PDE1C: variants seen among roughly 807,000 people sequenced by gnomAD.
PDE1C encodes the protein dual specificity calcium/calmodulin-dependent 3',5'-cyclic nucleotide phosphodiesterase 1C.
Under a neutral mutation model 93.1 loss-of-function variants are expected in PDE1C, and 62 were observed. The observed-to-expected ratio is 0.67, with a 90% CI of 0.54 to 0.82. The LOEUF (loss-of-function observed/expected upper bound fraction) is 0.82. PDE1C is among the 40% of genes least tolerant of loss of function. The pLI is 0.00. For missense variants in PDE1C, 742 were observed against 884.6 expected, an observed-to-expected ratio of 0.84 and a Z score of 2.04; for synonymous variants, 325 against 310.1, an observed-to-expected ratio of 1.05 and a Z score of -0.50.
chr7:32,112,188 T>A (rs1798678895), intron 3 of PDE1C, among the ~76,000 whole-genome samples: 1 of 152,202 alleles, frequency 6.6e-6, no homozygotes, highest in Non-Finnish European at 1.5e-5. Flanking sequence ...CTTAGATTGC[T>A]GGAGAGCCCT....
chr7:31,981,799 T>C (rs1445965638), intron 2 of PDE1C, among the ~76,000 whole-genome samples: 1 of 152,188 alleles, frequency 6.6e-6, no homozygotes, highest in African/African-American at 2.4e-5. Flanking sequence ...GCCTATATCT[T>C]TGAATATTAT....
At chr7:31,802,735 T>C (rs1786225265) in intron 16 of PDE1C, among the ~76,000 whole-genome samples, 1 of 151,750 alleles carries the variant, frequency 6.6e-6, no homozygotes, top group Admixed American at 6.6e-5. Flanking sequence ...AAAATTTAGC[T>C]CCACTGTCTT....
chr7:31,984,881 G>A (rs1783157469), intron 2 of PDE1C, among the ~76,000 whole-genome samples: 1 of 152,090 alleles, frequency 6.6e-6, no homozygotes, highest in Admixed American at 6.5e-5. Context: ...CTAACAAATT[G>A]GAATCTGAAA....
chr7:32,102,994 G>T (rs1798111934), intron 3 of PDE1C, among the ~76,000 whole-genome samples: 1 of 152,124 alleles, frequency 6.6e-6, no homozygotes, highest in African/African-American at 2.4e-5. Context: ...AGAGAGAGGG[G>T]CTCCTGCTTT....
At chr7:31,635,203 A>G in the PDE1C span, among the ~76,000 whole-genome samples, 3 of 152,168 alleles carry the variant, frequency 2.0e-5, no homozygotes, top group African/African-American at 4.8e-5. Flanking sequence ...TTTAATTTCT[A>G]TGACTCTAAG....
chr7:31,998,010 T>TTTTATTTTTA lies in PDE1C; in HGVS notation c.128+53543_128+53544insTAAAAATAAA, dbSNP rs1554456825. ...TTATTTTTATTTTATTTTATTTTAT[T>TTTTATTTTTA]TTTATTTATTTATTTATTTATTTTT... is the stretch of plus-strand genomic sequence containing the variant. On this transcript the variant is annotated intron_variant, in intron 2 of 17. Coordinates refer to ENST00000396191, the MANE Select transcript of PDE1C (RefSeq NM_001191057.4). Among the ~76,000 whole-genome samples the TTTTATTTTTA allele has an allele frequency of 6.7e-5, 10 of 148,662 alleles. No homozygotes were observed. In the Admixed American group the frequency reaches 6.8e-4, roughly 10 times the overall value.
intron 3 of PDE1C, among the ~76,000 whole-genome samples, chr7:32,148,518 T>A (rs2128788089): frequency 6.6e-6 from 1 of 152,298 alleles, no homozygotes; most frequent in Admixed American, 6.5e-5. Flanking sequence ...ACTCAAGTTG[T>A]TCCAATAGTA....
At chr7:32,186,811 C>G (rs1803917407) in intron 2 of PDE1C, among the ~76,000 whole-genome samples, 1 of 152,060 alleles carries the variant, frequency 6.6e-6, no homozygotes, top group Admixed American at 6.5e-5. Flanking sequence ...TTCATGGGCA[C>G]TAATTTAAAG....
intron 3 of PDE1C, among the ~76,000 whole-genome samples, chr7:32,124,244 G>C (rs1367878306): frequency 6.6e-6 from 1 of 152,178 alleles, no homozygotes; most frequent in Non-Finnish European, 1.5e-5. Flanking sequence ...CTCATGGGTA[G>C]GAAGAATCAA....
chr7:32,280,786 G>A (rs542225943), intron 1 of PDE1C, among the ~76,000 whole-genome samples: 15 of 152,238 alleles, frequency 9.9e-5, no homozygotes, highest in African/African-American at 2.9e-4. Context: ...CCAGGAACTC[G>A]AGACCAGCCT....
chr7:32,329,387 C>T (rs185042027), intron 1 of PDE1C, among the ~76,000 whole-genome samples: 7 of 152,192 alleles, frequency 4.6e-5, no homozygotes, highest in South Asian at 2.1e-4. Context: ...ATTATGGAGG[C>T]GATAGACCCT....
At chr7:32,050,948 T>C (rs1431189990) in intron 2 of PDE1C, among the ~76,000 whole-genome samples, 1 of 152,208 alleles carries the variant, frequency 6.6e-6, no homozygotes, top group African/African-American at 2.4e-5. Context: ...AATAGCCACA[T>C]AGGTTAGGGC....
At chr7:31,918,687 C>A (rs1417155605) in intron 2 of PDE1C, among the ~76,000 whole-genome samples, 1 of 152,194 alleles carries the variant, frequency 6.6e-6, no homozygotes, top group Non-Finnish European at 1.5e-5. Flanking sequence ...TTCCAGCTTT[C>A]AATTTTTTGT....
At chr7:32,145,990 T>C (rs1161660709) in intron 3 of PDE1C, among the ~76,000 whole-genome samples, 2 of 152,182 alleles carry the variant, frequency 1.3e-5, no homozygotes, top group African/African-American at 2.4e-5. Flanking sequence ...TTTAGCTAGC[T>C]ACATTTTTTT....
intron 1 of PDE1C, among the ~76,000 whole-genome samples, chr7:32,356,663 C>A (rs7777038): frequency 0.089 from 13,501 of 152,260 alleles, 706 homozygotes; most frequent in East Asian, 0.13. Context: ...AGCCTCCTCA[C>A]CCCTGCAAAT....
At chr7:31,703,763 A>C in the PDE1C span, among the ~76,000 whole-genome samples, 1 of 152,190 alleles carries the variant, frequency 6.6e-6, no homozygotes, top group South Asian at 2.1e-4. Flanking sequence ...AGCCCTTGGC[A>C]AGTGAAAACT....
chr7:32,370,670 G>C (rs1033667054), intron 1 of PDE1C, among the ~76,000 whole-genome samples: 3 of 151,968 alleles, frequency 2.0e-5, no homozygotes, highest in Non-Finnish European at 4.4e-5. Context: ...ATAGCATTAG[G>C]AGAAATACCT....
At chr7:32,086,995 T>G (rs568767705) in intron 3 of PDE1C, among the ~76,000 whole-genome samples, 3 of 151,928 alleles carry the variant, frequency 2.0e-5, no homozygotes, top group East Asian at 3.9e-4. Flanking sequence ...AAAGCCAAAC[T>G]TGACAAATGG....
At chr7:31,681,358 TGGATGGATGGAC>T in the PDE1C span, among the ~76,000 whole-genome samples, 1 of 129,156 alleles carries the variant, frequency 7.7e-6, no homozygotes, top group East Asian at 2.3e-4. Context: ...GATGGATGGA[TGGATGGATGGAC>T]GGATGGATGG....
Sources: gnomAD v4.1 joint callset for allele counts (sites outside exome capture counted in the v4.1 genomes callset) on GRCh38, gnomAD v4.1.1 for gene constraint, MANE v1.5 for transcripts, NCBI Gene and HGNC (gene_info 2026-07-23, HGNC 2026-07-21) for gene names.